NDUFS7: variants seen among roughly 807,000 people sequenced by gnomAD.
NDUFS7 encodes NADH:ubiquinone oxidoreductase core subunit S7, also known as NADH dehydrogenase [ubiquinone] iron-sulfur protein 7, mitochondrial.
NDUFS7 carries 11 observed loss-of-function variants against 31.1 expected under a neutral mutation model. The observed-to-expected ratio is 0.35, with a 90% CI of 0.22 to 0.59. NDUFS7 has a LOEUF of 0.59. NDUFS7 is among the 20% of genes least tolerant of loss of function. The pLI is 0.79. For synonymous variants in NDUFS7, 136 were observed against 127.9 expected (o/e 1.06, Z -0.43); for missense variants, 263 against 324.2 (o/e 0.81, Z 1.45).
intron 4 of NDUFS7, chr19:1,390,424 G>GA (rs1409519005): frequency 1.6e-5 from 4 of 251,944 alleles, no homozygotes; most frequent in African/African-American, 9.1e-5. Context: ...AAGCCACAGG[G>GA]ATGGAGGAGA....
chr19:1,387,916 G>GGGGGA, intron 2 of NDUFS7, 69 bp downstream of exon 2: 1 of 404,116 alleles, frequency 2.5e-6, no homozygotes, highest in South Asian at 1.7e-5. Flanking sequence ...CGGGGCGGGG[G>GGGGGA]GGGTGGGGGG....
chr19:1,383,995 G>T, intron 1 of NDUFS7, 53 bp downstream of exon 1: 1 of 1,534,398 alleles, frequency 6.5e-7, no homozygotes, highest in South Asian at 1.2e-5. Flanking sequence ...GGGGCCGTGG[G>T]AGCCTCGGGT....
rs778260862 is a variant in NDUFS7, at chr19:1,387,823, G to A, written c.29G>A (p.Arg10His). ...GTCCTCTCTGCAGCTCCTGGCCTGC[G>A]CGGCTTCCGGATCCTTGGTCTGCGG... MAVLSAPGL[R>H]GFRILGLRSS... The change falls in exon 2 of 8, where the codon CGC becomes CAC. Residue 10 changes from arginine (R) to histidine (H), a missense_variant. Arg to His is a conservative substitution (Grantham distance 29). Transcript: ENST00000233627. 11 of 1,611,106 alleles carry A rather than the reference G, an allele frequency of 6.8e-6. No individual in the cohort carries two copies. In the Admixed American group the frequency reaches 1.0e-4, roughly 15 times the overall value.
chr19:1,394,267 G>A, intron 7 of NDUFS7: 4 of 947,450 alleles, frequency 4.2e-6, no homozygotes, highest in Non-Finnish European at 5.8e-6. Flanking sequence ...GGGGGCAGTG[G>A]AGAGGGCAGC....
intron 3 of NDUFS7, 71 bp downstream of exon 3, chr19:1,388,664 A>T: frequency 6.6e-7 from 1 of 1,525,870 alleles, no homozygotes; most frequent in African/African-American, 1.4e-5. Flanking sequence ...TTTCTGCATC[A>T]GTGCCGCAGC....
chr19:1,391,825 AT>A (rs1425381177), intron 6 of NDUFS7: 1 of 151,598 alleles, frequency 6.6e-6, no homozygotes, highest in Non-Finnish European at 1.5e-5. Flanking sequence ...ATTGAAAGGT[AT>A]TTAGTCTCTT....
intron 7 of NDUFS7, chr19:1,395,063 G>A: frequency 8.0e-7 from 1 of 1,242,676 alleles, no homozygotes; most frequent in Non-Finnish European, 1.0e-6. Flanking sequence ...TGTGTCTGCT[G>A]AGCGCTGGCC....
intron 1 of NDUFS7, chr19:1,387,061 G>A (rs181456013): frequency 2.3e-4 from 35 of 153,124 alleles, no homozygotes; most frequent in African/African-American, 7.7e-4. Context: ...GTGCAGGCGC[G>A]TTCCCTCCTC....
At chr19:1,391,654 T>G (rs1214509013) in intron 6 of NDUFS7, among the ~76,000 whole-genome samples, 2 of 150,294 alleles carry the variant, frequency 1.3e-5, no homozygotes, top group African/African-American at 4.9e-5. Context: ...ACCCAGCTAA[T>G]TTTTGTATTT....
chr19:1,393,723 C>A lies in NDUFS7; in HGVS notation c.544+393C>A. On this transcript the variant is annotated intron_variant, in intron 7 of 7. Coordinates refer to ENST00000233627, the MANE Select transcript of NDUFS7 (RefSeq NM_024407.5). This position sits in a 1 kb window ranked among gnomAD's most constrained non-coding sequence, Gnocchi z 7.3. The stretch of plus-strand genomic sequence containing the variant: ...AGGGCACGCAGGACTCCCTGGGACC[C>A]GGGGTGGCCGGATTTGGCAAATGAA... 1 of 530,690 alleles carries A rather than the reference C, an allele frequency of 1.9e-6. No homozygotes were observed. The highest frequency in any genetic ancestry group is 3.4e-6 in the Non-Finnish European group (1 of 295,970). 32.9% of individuals were successfully genotyped at this position (530,690 alleles called of 1,614,324 possible). A position where few individuals can be genotyped will look rare whatever the true frequency, so the allele number is the denominator to read the frequency against.
chr19:1,393,229 G>T lies in NDUFS7; in HGVS notation c.456-13G>T. ...GTCTTCGGCACACTCCCCTCACGGT[G>T]CCTCCCCAACAGCTGCGCCAACGGA... On this transcript the variant is annotated splice_polypyrimidine_tract_variant and intron_variant, in intron 6 of 7. Coordinates refer to ENST00000233627, the MANE Select transcript of NDUFS7 (RefSeq NM_024407.5). This position sits in a 1 kb window ranked among gnomAD's most constrained non-coding sequence, Gnocchi z 7.3. The T allele has an allele frequency of 6.4e-7, 1 of 1,551,248 alleles. No homozygotes were observed.
chr19:1,393,759 G>A lies in NDUFS7; in HGVS notation c.544+429G>A. On this transcript the variant is annotated intron_variant, in intron 7 of 7. Transcript: ENST00000233627. The surrounding 1 kb of genome is among the most constrained non-coding windows in gnomAD (Gnocchi z 7.3). ...GATTTGGCAAATGAAAACGTGGGAGGCTTAGTTTGACTGTGAGGTTAGGGT... is the reference window on the plus strand; with the variant it reads ...GATTTGGCAAATGAAAACGTGGGAGACTTAGTTTGACTGTGAGGTTAGGGT... 2.1e-6 allele frequency: 1 copy of A among 482,664 alleles called. No homozygotes were observed. Among genetic ancestry groups the A allele is most frequent in the South Asian group, 2.5e-5 (1 of 40,182 alleles). The allele number at this position is 482,664 out of a possible 1,614,324, so 29.9% of individuals were successfully genotyped here. A position where few individuals can be genotyped will look rare whatever the true frequency, so the allele number is the denominator to read the frequency against.
chr19:1,384,630 G>A (rs2082495688), intron 1 of NDUFS7, among the ~76,000 whole-genome samples: 1 of 152,166 alleles, frequency 6.6e-6, no homozygotes, highest in Non-Finnish European at 1.5e-5. Flanking sequence ...CCTTATGAAC[G>A]CGATCTAGCG....
At chr19:1,394,733 TTGCCAGAGCTC>T in intron 7 of NDUFS7, 1 of 1,188,746 alleles carries the variant, frequency 8.4e-7, no homozygotes, top group Non-Finnish European at 1.1e-6. Flanking sequence ...CAGCCTGGAC[TTGCCAGAGCTC>T]TGCCAGGTGG....
chr19:1,388,058 G>A lies in NDUFS7; in HGVS notation c.53+211G>A, dbSNP rs2082521688. ...CGCAGTGGCAAAGGCTGGACAGTCA[G>A]GAGGAAAACCCTGTGGGCCCGGCTC... On this transcript the variant is annotated intron_variant, in intron 2 of 7. Transcript: ENST00000233627. The A allele has an allele frequency of 4.6e-6, 3 of 645,536 alleles. No homozygotes were observed. The Admixed American group carries it at 6.8e-5, about 15-fold the overall frequency. The allele number at this position is 645,536 out of a possible 1,614,324, so 40.0% of individuals were successfully genotyped here.
At chr19:1,392,909 G>A (rs984827790) in intron 6 of NDUFS7, 10 of 404,122 alleles carry the variant, frequency 2.5e-5, no homozygotes, top group South Asian at 2.0e-4. Flanking sequence ...CATAGACAGG[G>A]GCTGGGTGTT....
Position 1,394,422 on chromosome 19 carries a change from AGCTCCTCCCTCCCTGGGGACCGC to A in NDUFS7, c.545-953_545-931del, listed in dbSNP as rs764411701. 1,047 of 1,288,134 alleles carry A rather than the reference AGCTCCTCCCTCCCTGGGGACCGC, an allele frequency of 8.1e-4. 8 individuals carry two copies. The Middle Eastern group carries it at 0.013, about 17-fold the overall frequency. 79.8% of individuals were successfully genotyped at this position (1,288,134 alleles called of 1,614,324 possible). A position where few individuals can be genotyped will look rare whatever the true frequency, so the allele number is the denominator to read the frequency against. On this transcript the variant is annotated intron_variant, in intron 7 of 7. Transcript: ENST00000233627. ...TGTACTCCTCCCTCCTTGCAGACTG[AGCTCCTCCCTCCCTGGGGACCGC>A]GCTCCTCCCTCCCTGCGGACTGTGC... is the stretch of plus-strand genomic sequence containing the variant.
In NDUFS7 at chr19:1,393,673, T is replaced by C. The variant is rs193017308; in HGVS notation, c.544+343T>C. The C allele has an allele frequency of 3.4e-6, 2 of 587,200 alleles. No individual in the cohort carries two copies. Among genetic ancestry groups the C allele is most frequent in the African/African-American group, 1.9e-5 (1 of 53,712 alleles). 36.4% of individuals were successfully genotyped at this position (587,200 alleles called of 1,614,324 possible). On this transcript the variant is annotated intron_variant, in intron 7 of 7. Transcript: ENST00000233627. The surrounding 1 kb of genome is among the most constrained non-coding windows in gnomAD (Gnocchi z 7.3). ...GAAGGTTCCTGGGGGCCAAGGACAC[T>C]GTCCCGCGCCCTCAGCCTTACAGAA...
intron 4 of NDUFS7, chr19:1,390,507 A>C: frequency 2.6e-6 from 1 of 379,236 alleles, no homozygotes; most frequent in East Asian, 6.0e-5. Flanking sequence ...ACCCAGATCT[A>C]GTTAACGCAG....
Sources: gnomAD v4.1 joint callset for allele counts (sites outside exome capture counted in the v4.1 genomes callset) on GRCh38, gnomAD v4.1.1 for gene constraint, Gnocchi (gnomAD v3.1) non-coding constraint, MANE v1.5 for transcripts, NCBI Gene and HGNC (gene_info 2026-07-23, HGNC 2026-07-21) for gene names.